The following DENND1B variants were observed in gnomAD, a reference collection of about 807,000 sequenced individuals.
The protein encoded by DENND1B is DENN domain containing 1B, also known as DENN domain-containing protein 1B.
In DENND1B, 59 loss-of-function variants were observed where a neutral mutation model predicts 90.1. The ratio of observed to expected loss-of-function variants is 0.65; its 90% CI spans 0.53 to 0.81. DENND1B has a LOEUF of 0.81. Among genes scored for constraint, DENND1B ranks in the 40% least tolerant of loss-of-function variants. The pLI, the probability that DENND1B is intolerant of heterozygous loss-of-function variation, is 0.00. For synonymous variants in DENND1B, 337 were observed against 324.6 expected, an observed-to-expected ratio of 1.04 and a Z score of -0.41; for missense variants, 862 against 912.6, an observed-to-expected ratio of 0.94 and a Z score of 0.71.
intron 10 of DENND1B, 37 bp downstream of exon 10, chr1:197,642,674 C>A: frequency 6.7e-7 from 1 of 1,485,438 alleles, no homozygotes; most frequent in African/African-American, 1.4e-5. Context: ...GTGAAACACT[C>A]AATACCTGCT....
At chr1:197,735,822 C>A in intron 2 of DENND1B, 1 of 1,607,784 alleles carries the variant, frequency 6.2e-7, no homozygotes, top group Non-Finnish European at 8.5e-7. Flanking sequence ...CAAAAAGGGA[C>A]AATTGGAAGA....
chr1:197,685,570 C>T (rs1467036518), intron 3 of DENND1B: 1 of 152,002 alleles, frequency 6.6e-6, no homozygotes, highest in Non-Finnish European at 1.5e-5. Flanking sequence ...TTTAGGTTAT[C>T]TTAAATTACA....
At chr1:197,755,420 C>T (rs1654152871) in intron 2 of DENND1B, among the ~76,000 whole-genome samples, 2 of 150,862 alleles carry the variant, frequency 1.3e-5, no homozygotes, top group South Asian at 4.2e-4. Flanking sequence ...GAGTAGTATA[C>T]TGCCCAACAG....
At chr1:197,523,031 TCTACTAC>T (rs1243219675) in intron 20 of DENND1B, among the ~76,000 whole-genome samples, 1 of 152,080 alleles carries the variant, frequency 6.6e-6, no homozygotes, top group East Asian at 1.9e-4. Context: ...TTGAGGTAAC[TCTACTAC>T]CTCGTGCTCA....
intron 3 of DENND1B, among the ~76,000 whole-genome samples, chr1:197,714,289 A>G (rs1195736367): frequency 6.6e-6 from 1 of 152,088 alleles, no homozygotes; most frequent in African/African-American, 2.4e-5. Context: ...ATTTTTAAAA[A>G]GCAAAAAATT....
chr1:197,537,764 T>C (rs1230420797), intron 20 of DENND1B, among the ~76,000 whole-genome samples: 1 of 151,990 alleles, frequency 6.6e-6, no homozygotes, highest in Non-Finnish European at 1.5e-5. Flanking sequence ...ATCATAAAAA[T>C]GCTATGCATG....
chr1:197,736,772 T>A (rs534717340), intron 2 of DENND1B, among the ~76,000 whole-genome samples: 3 of 152,252 alleles, frequency 2.0e-5, no homozygotes, highest in Non-Finnish European at 2.9e-5. Context: ...CTGGAATGTC[T>A]ATTCATTAGC....
upstream of DENND1B, among the ~76,000 whole-genome samples, chr1:197,780,648 C>T (rs1017034810): frequency 6.6e-5 from 10 of 152,082 alleles, no homozygotes; most frequent in African/African-American, 2.4e-4. Context: ...CCATCCTCCA[C>T]CCCTAAGTAT....
intron 10 of DENND1B, among the ~76,000 whole-genome samples, chr1:197,638,023 T>A (rs1679944771): frequency 6.6e-6 from 1 of 152,166 alleles, no homozygotes; most frequent in Admixed American, 6.6e-5. Flanking sequence ...GATGAAGAGG[T>A]TAAAATCCTC....
chr1:197,659,901 C>T (rs1572226300), intron 5 of DENND1B, among the ~76,000 whole-genome samples: 2 of 151,940 alleles, frequency 1.3e-5, no homozygotes, highest in East Asian at 3.9e-4. Flanking sequence ...TAATAGCCAA[C>T]CACCAGATAT....
chr1:197,507,257 T>G lies in DENND1B; in HGVS notation c.*3203A>C, dbSNP rs1667773209. On this transcript the variant is annotated 3_prime_UTR_variant, in exon 23 of 23. Transcript: ENST00000620048. ...CAGAGCAGGGACTATGTCAGTTATT[T>G]TATTTCCCATATCCTCAGTTACTGT... The G allele has an allele frequency of 6.6e-6, 1 of 150,764 alleles. No individual in the cohort carries two copies. The highest frequency in any genetic ancestry group is 2.1e-4 in the South Asian group (1 of 4,816). The allele number at this position is 150,764 out of a possible 1,614,324, so 9.3% of individuals were successfully genotyped here. A position where few individuals can be genotyped will look rare whatever the true frequency, so the allele number is the denominator to read the frequency against.
intron 10 of DENND1B, among the ~76,000 whole-genome samples, chr1:197,623,867 A>T (rs1678400031): frequency 6.6e-6 from 1 of 151,682 alleles, no homozygotes; most frequent in South Asian, 2.1e-4. Context: ...TTACATATAA[A>T]TCTAACAAAA....
At chr1:197,598,557 G>C (rs1462188127) in intron 13 of DENND1B, among the ~76,000 whole-genome samples, 2 of 151,718 alleles carry the variant, frequency 1.3e-5, no homozygotes, top group Non-Finnish European at 2.9e-5. Flanking sequence ...GTCTAGGAAA[G>C]AGCATTTTCT....
At chr1:197,562,773 C>T (rs1571885805) in intron 15 of DENND1B, among the ~76,000 whole-genome samples, 1 of 151,952 alleles carries the variant, frequency 6.6e-6, no homozygotes, top group East Asian at 1.9e-4. Context: ...AGCCTGAAAG[C>T]CAGGCCTCTT....
chr1:197,554,097 TTA>T lies in DENND1B; in HGVS notation c.1150-987_1150-986del, dbSNP rs1491329013. 6.9e-3 allele frequency among the ~76,000 whole-genome samples: 723 copies of T among 104,126 alleles called. 8 individuals are homozygous for T. The highest frequency in any genetic ancestry group is 0.025 in the African/African-American group (668 of 26,440). 68.3% of individuals were successfully genotyped at this position (104,126 alleles called of 152,430 possible). A position where few individuals can be genotyped will look rare whatever the true frequency, so the allele number is the denominator to read the frequency against. On this transcript the variant is annotated intron_variant, in intron 15 of 22. Coordinates refer to ENST00000620048, the MANE Select transcript of DENND1B (RefSeq NM_001195215.2). ...ACCAACCCAAGGTGAAAATCAATGA[TTA>T]TACACACACACACACACACACACAC...
chr1:197,756,603 A>T (rs1255829288), intron 2 of DENND1B, among the ~76,000 whole-genome samples: 1 of 132,006 alleles, frequency 7.6e-6, no homozygotes, highest in African/African-American at 2.8e-5. Flanking sequence ...AAAAAAAAAA[A>T]TATGCCCCCA....
At chr1:197,690,171 A>G (rs993768923) in intron 3 of DENND1B, 2 of 286,612 alleles carry the variant, frequency 7.0e-6, no homozygotes, top group African/African-American at 4.5e-5. Flanking sequence ...AGCTCTTCCT[A>G]AGGATAATGT....
chr1:197,545,770 C>A, intron 18 of DENND1B, 152 bp downstream of exon 18: 1 of 599,634 alleles, frequency 1.7e-6, no homozygotes, highest in South Asian at 2.6e-5. Context: ...ATAATTTTAA[C>A]AATTGAATTT....
rs200611879 is a variant in DENND1B, at chr1:197,660,051, T to TA, written c.297-1683dup. Among the ~76,000 whole-genome samples, 819 of 150,934 alleles carry TA rather than the reference T, an allele frequency of 5.4e-3. 9 individuals are homozygous for TA. Among genetic ancestry groups the TA allele is most frequent in the African/African-American group, 0.019 (774 of 41,222 alleles). ...AGCTGAATTAAGAGCAGGAAGCTAT[T>TA]AAAAAAAAACTAAACTTTTCTAAAA... On this transcript the variant is annotated intron_variant, in intron 5 of 22. Coordinates refer to ENST00000620048, the MANE Select transcript of DENND1B (RefSeq NM_001195215.2).
Sources: gnomAD v4.1 joint callset for allele counts (sites outside exome capture counted in the v4.1 genomes callset) on GRCh38, gnomAD v4.1.1 for gene constraint, MANE v1.5 for transcripts, NCBI Gene and HGNC (gene_info 2026-07-23, HGNC 2026-07-21) for gene names.